PCDHGA8: variants seen among roughly 807,000 people sequenced by gnomAD.
The protein encoded by PCDHGA8 is protocadherin gamma subfamily A, 8, also known as protocadherin gamma-A8.
Under a neutral mutation model 59.2 loss-of-function variants are expected in PCDHGA8, and 45 were observed. That is an observed-to-expected ratio of 0.76 (90% CI 0.60 to 0.98). The LOEUF (loss-of-function observed/expected upper bound fraction) is 0.98. Among genes scored for constraint, PCDHGA8 ranks in the 50% least tolerant of loss-of-function variants. The pLI, the probability that PCDHGA8 is intolerant of heterozygous loss-of-function variation, is 0.00. For missense variants in PCDHGA8, 1,257 were observed against 1,196.2 expected, an observed-to-expected ratio of 1.05 and a Z score of -0.75; for synonymous variants, 531 against 519.0, an observed-to-expected ratio of 1.02 and a Z score of -0.32.
chr5:141,454,489 C>T (rs1450435753), intron 1 of PCDHGA8, among the ~76,000 whole-genome samples: 1 of 152,222 alleles, frequency 6.6e-6, no homozygotes, highest in African/African-American at 2.4e-5. Flanking sequence ...TCACCGCAAC[C>T]TCCACCTCCT....
At chr5:141,472,507 T>G (rs919448316) in intron 1 of PCDHGA8, among the ~76,000 whole-genome samples, 2 of 151,872 alleles carry the variant, frequency 1.3e-5, no homozygotes, top group African/African-American at 4.8e-5. Context: ...GCCACTGCAC[T>G]CCAGCCTGGG....
chr5:141,430,666 G>A (rs2097301396), intron 1 of PCDHGA8: 1 of 1,222,518 alleles, frequency 8.2e-7, no homozygotes, highest in Admixed American at 2.7e-5. Flanking sequence ...GAGGAGCTCT[G>A]ACTTCCCAAC....
In PCDHGA8 at chr5:141,477,147, A is replaced by G. The variant is rs1195888163; in HGVS notation, c.2425-17660A>G. On this transcript the variant is annotated intron_variant, in intron 1 of 3. Coordinates refer to ENST00000398604, the MANE Select transcript of PCDHGA8 (RefSeq NM_032088.2). The surrounding 1 kb of genome is among the most constrained non-coding windows in gnomAD (Gnocchi z 4.9). The stretch of plus-strand genomic sequence containing the variant: ...TGCAAAGTGTTGGTGGAGGTTGTGG[A>G]TGTGAATGACAACGCCCCGGAGATC... 2 of 1,614,168 alleles carry G rather than the reference A, an allele frequency of 1.2e-6. No individual in the cohort carries two copies. The highest frequency in any genetic ancestry group is 1.1e-5 in the South Asian group (1 of 91,080).
At chr5:141,452,528 A>T (rs1592223895) in intron 1 of PCDHGA8, among the ~76,000 whole-genome samples, 1 of 152,206 alleles carries the variant, frequency 6.6e-6, no homozygotes, top group African/African-American at 2.4e-5. Flanking sequence ...CAAAATCGTG[A>T]GTTCATATTG....
intron 1 of PCDHGA8, chr5:141,415,740 G>GTTTTTTGTTT (rs2095911797): frequency 3.9e-6 from 2 of 515,998 alleles, no homozygotes; most frequent in African/African-American, 2.8e-5. Context: ...GTTTATTAAG[G>GTTTTTTGTTT]TTTTTTTTTT....
chr5:141,400,054 C>T, intron 1 of PCDHGA8: 2 of 1,613,622 alleles, frequency 1.2e-6, no homozygotes, highest in Non-Finnish European at 1.7e-6. Flanking sequence ...GGTTGCTGTG[C>T]GTGATGGTGG....
Position 141,394,557 on chromosome 5 carries a change from G to T in PCDHGA8, c.1744G>T (p.Ala582Ser). 6.2e-7 allele frequency: 1 copy of T among 1,614,082 alleles called. No individual in the cohort carries two copies. Among genetic ancestry groups the T allele is most frequent in the South Asian group, 1.1e-5 (1 of 91,070 alleles). The change falls in exon 1 of 4, where the codon GCA (alanine) becomes TCA (serine). Residue 582 changes from alanine (A) to serine (S), a missense_variant. Physicochemically the swap from Ala to Ser is moderately conservative, Grantham distance 99. Coordinates refer to ENST00000398604, the MANE Select transcript of PCDHGA8 (RefSeq NM_032088.2). ...STGVELAPRS[A>S]ERGYLVTKVV... ...TGGCGTGGAGCTGGCGCCCCGCTCC[G>T]CAGAGCGTGGCTACCTGGTGACCAA...
intron 1 of PCDHGA8, chr5:141,413,459 A>G: frequency 6.2e-7 from 1 of 1,614,080 alleles, no homozygotes; most frequent in Non-Finnish European, 8.5e-7. Flanking sequence ...GGCAGGATAG[A>G]CCGGGAGGAG....
chr5:141,410,540 G>C (rs1301173391), intron 1 of PCDHGA8: 1 of 1,613,702 alleles, frequency 6.2e-7, no homozygotes. Context: ...TGAAGACATG[G>C]TTTGCAGTGT....
intron 1 of PCDHGA8, among the ~76,000 whole-genome samples, chr5:141,468,797 C>T (rs191599825): frequency 0.01 from 1,525 of 151,876 alleles, 28 homozygotes; most frequent in African/African-American, 0.035. Flanking sequence ...ACCCGGGAGG[C>T]GGAACTTGCA....
At chr5:141,453,351 C>T (rs1210851703) in intron 1 of PCDHGA8, among the ~76,000 whole-genome samples, 3 of 151,738 alleles carry the variant, frequency 2.0e-5, no homozygotes, top group African/African-American at 7.3e-5. Context: ...CCAGGCTGAC[C>T]CTGAACTCCT....
intron 1 of PCDHGA8, chr5:141,418,921 T>A (rs897705216): frequency 1.9e-6 from 3 of 1,613,928 alleles, no homozygotes; most frequent in Admixed American, 3.3e-5. Context: ...CACTCTCTGA[T>A]CAGATTATGG....
intron 1 of PCDHGA8, chr5:141,412,314 A>G (rs913648948): frequency 6.6e-6 from 1 of 152,240 alleles, no homozygotes; most frequent in African/African-American, 2.4e-5. Flanking sequence ...CAATGCAAAC[A>G]GTTTAATTTG....
Position 141,444,152 on chromosome 5 carries a change from ATTTTTTTTTTTTTTTTT to A in PCDHGA8, c.2424+48935_2424+48951del, listed in dbSNP as rs747671382. Among the ~76,000 whole-genome samples, 167 of 33,906 alleles carry A rather than the reference ATTTTTTTTTTTTTTTTT, an allele frequency of 4.9e-3. 1 individual carries two copies. The highest frequency in any genetic ancestry group is 7.0e-3 in the Non-Finnish European group (136 of 19,318). The allele number at this position is 33,906 out of a possible 152,430, so 22.2% of individuals were successfully genotyped here. A position where few individuals can be genotyped will look rare whatever the true frequency, so the allele number is the denominator to read the frequency against. On this transcript the variant is annotated intron_variant, in intron 1 of 3. Coordinates refer to ENST00000398604, the MANE Select transcript of PCDHGA8 (RefSeq NM_032088.2). ...GATATGTGTCACTTGTGTGTACTGG[ATTTTTTTTTTTTTTTTT>A]TTTTTTTTTTTTTTTTTTTGAGATG...
intron 1 of PCDHGA8, chr5:141,399,433 C>T (rs1485508239): frequency 1.9e-6 from 3 of 1,613,892 alleles, no homozygotes; most frequent in Non-Finnish European, 2.5e-6. Flanking sequence ...AAGCGTCATC[C>T]TACATATCAG....
In PCDHGA8 at chr5:141,420,282, T is replaced by C. The variant is rs543435018; in HGVS notation, c.2424+25045T>C. 2.1e-5 allele frequency: 31 copies of C among 1,510,188 alleles called. No homozygotes were observed. In the African/African-American group the frequency reaches 4.0e-4, roughly 20 times the overall value. 93.5% of individuals were successfully genotyped at this position (1,510,188 alleles called of 1,614,324 possible). On this transcript the variant is annotated intron_variant, in intron 1 of 3. Coordinates refer to ENST00000398604, the MANE Select transcript of PCDHGA8 (RefSeq NM_032088.2). ...AAGAAGATTCTTAAACAGGTAAGTA[T>C]TTAAAAATGTATTTAATCCTTTTTA...
intron 1 of PCDHGA8, among the ~76,000 whole-genome samples, chr5:141,453,225 C>T (rs2098758997): frequency 6.6e-6 from 1 of 152,044 alleles, no homozygotes; most frequent in African/African-American, 2.4e-5. Context: ...GCGATCCTCC[C>T]ACCTCAGCCT....
intron 1 of PCDHGA8, chr5:141,414,621 C>G: frequency 6.2e-7 from 1 of 1,613,996 alleles, no homozygotes; most frequent in Non-Finnish European, 8.5e-7. Flanking sequence ...CAGCGCTGGA[C>G]CCGGACAGCA....
intron 1 of PCDHGA8, chr5:141,423,466 G>C (rs770939556): frequency 1.2e-6 from 2 of 1,613,904 alleles, no homozygotes; most frequent in Admixed American, 3.3e-5. Context: ...CGTGGACGGG[G>C]TACAGGCTTT....
Sources: allele counts gnomAD v4.1 joint callset (sites outside exome capture counted in the v4.1 genomes callset), GRCh38; gene constraint gnomAD v4.1.1; non-coding constraint Gnocchi (gnomAD v3.1); transcripts MANE v1.5; gene names NCBI Gene and HGNC (gene_info 2026-07-23, HGNC 2026-07-21).